PUM1: variants seen among roughly 807,000 people sequenced by gnomAD.
PUM1 encodes the protein pumilio homolog 1.
Under a neutral mutation model 131.8 loss-of-function variants are expected in PUM1, and 13 were observed. The observed-to-expected ratio is 0.10, with a 90% CI of 0.06 to 0.16. The LOEUF is 0.16. Ranked by LOEUF, PUM1 falls within the 10% of genes least tolerant of loss-of-function variation. The pLI is 1.00. For missense variants in PUM1, 961 were observed against 1,512.4 expected, an observed-to-expected ratio of 0.64 and a Z score of 6.05; for synonymous variants, 509 against 556.5, an observed-to-expected ratio of 0.91 and a Z score of 1.20.
chr1:31,030,710 A>G (rs201531359), intron 2 of PUM1, among the ~76,000 whole-genome samples: 33 of 16,688 alleles, frequency 2.0e-3, no homozygotes, highest in East Asian at 0.012. Flanking sequence ...CAGTGTCCGG[A>G]AAAAAAAAAA....
chr1:30,995,523 A>T (rs910316667), intron 5 of PUM1, among the ~76,000 whole-genome samples: 7 of 150,260 alleles, frequency 4.7e-5, no homozygotes, highest in Non-Finnish European at 8.8e-5. Context: ...CTTCCTACCC[A>T]AAGCCCAGCC....
chr1:31,037,416 T>C (rs10914251), intron 2 of PUM1, among the ~76,000 whole-genome samples: 105,043 of 152,054 alleles, frequency 0.69, 37,685 homozygotes, highest in East Asian at 0.87. Context: ...CATGAGAAAG[T>C]TAAAGATCTA....
At chr1:31,045,033 C>A (rs375668967) in intron 2 of PUM1, among the ~76,000 whole-genome samples, 50 of 152,216 alleles carry the variant, frequency 3.3e-4, no homozygotes, top group Middle Eastern at 3.4e-3. Flanking sequence ...CTCCTGACCT[C>A]GTGATCCACC....
At chr1:30,940,108 C>A (rs1005862844) in intron 20 of PUM1, among the ~76,000 whole-genome samples, 1 of 152,182 alleles carries the variant, frequency 6.6e-6, no homozygotes, top group African/African-American at 2.4e-5. Flanking sequence ...GCTATGGAGA[C>A]ACTGGATCTA....
intron 3 of PUM1, among the ~76,000 whole-genome samples, chr1:31,021,738 T>C (rs1282266784): frequency 6.6e-6 from 1 of 152,186 alleles, no homozygotes; most frequent in African/African-American, 2.4e-5. Context: ...TACAAATCAC[T>C]TGCTACTTGA....
At chr1:31,029,607 G>A (rs1020512349) in intron 2 of PUM1, among the ~76,000 whole-genome samples, 6 of 152,158 alleles carry the variant, frequency 3.9e-5, no homozygotes, top group Non-Finnish European at 7.3e-5. Context: ...TAGTTTACTG[G>A]TCTTCTTTGT....
At chr1:31,006,809 ATT>A (rs948921117) in intron 4 of PUM1, among the ~76,000 whole-genome samples, 183 bp downstream of exon 4, 19 of 152,210 alleles carry the variant, frequency 1.2e-4, no homozygotes, top group African/African-American at 4.6e-4. Flanking sequence ...TGAAGATATG[ATT>A]TTGTGTTAAT....
chr1:30,947,303 T>G (rs1639717611), intron 17 of PUM1, among the ~76,000 whole-genome samples: 1 of 152,204 alleles, frequency 6.6e-6, no homozygotes, highest in Non-Finnish European at 1.5e-5. Flanking sequence ...AGTCACATAT[T>G]TCAAACTATG....
Position 30,978,727 on chromosome 1 carries a change from G to A in PUM1, c.1354+1335C>T, listed in dbSNP as rs530807573. 7.2e-5 allele frequency among the ~76,000 whole-genome samples: 11 copies of A among 152,260 alleles called. No individual in the cohort carries two copies. In the South Asian group the frequency reaches 8.3e-4, roughly 11 times the overall value. ...CATCATACATTTATGGTCCCATCAC[G>A]GTGACGGTAACTGTGCAACACACAG... On this transcript the variant is annotated intron_variant, in intron 9 of 21. Coordinates refer to ENST00000426105, the MANE Select transcript of PUM1 (RefSeq NM_001020658.2).
chr1:30,933,440 AC>A (rs2124369561), intron 21 of PUM1, 98 bp from the exon 22 acceptor site: 3 of 102,914 alleles, frequency 2.9e-5, no homozygotes, highest in African/African-American at 2.5e-4. Flanking sequence ...ACACACACAT[AC>A]ACACACACAC....
intron 5 of PUM1, 60 bp downstream of exon 5, chr1:31,005,793 G>A (rs1570254851): frequency 7.4e-4 from 20 of 26,992 alleles, no homozygotes; most frequent in Non-Finnish European, 8.4e-4. Context: ...GGGAAAAAAA[G>A]AGAGAGAGAG....
intron 14 of PUM1, among the ~76,000 whole-genome samples, chr1:30,958,418 C>G (rs1206594606): frequency 2.0e-5 from 3 of 152,292 alleles, no homozygotes; most frequent in Middle Eastern, 3.4e-3. Context: ...CAACACTTTT[C>G]TTCCAGGGCA....
intron 10 of PUM1, among the ~76,000 whole-genome samples, chr1:30,974,035 CTGAG>C (rs1641037683): frequency 6.6e-6 from 1 of 150,862 alleles, no homozygotes; most frequent in African/African-American, 2.4e-5. Flanking sequence ...TTGCAGTGAG[CTGAG>C]ATTGCACCAC....
intron 14 of PUM1, among the ~76,000 whole-genome samples, chr1:30,957,501 T>C (rs1043123534): frequency 6.6e-6 from 1 of 152,222 alleles, no homozygotes; most frequent in Non-Finnish European, 1.5e-5. Flanking sequence ...TTTGCAACTG[T>C]TTTAAAAGAA....
intron 2 of PUM1, among the ~76,000 whole-genome samples, chr1:31,046,296 G>A (rs1341044008): frequency 2.0e-5 from 3 of 151,594 alleles, no homozygotes; most frequent in South Asian, 2.1e-4. Context: ...TAAGGCAGGA[G>A]AATTGCTTGA....
intron 3 of PUM1, among the ~76,000 whole-genome samples, chr1:31,025,529 C>T (rs1643188046): frequency 6.8e-6 from 1 of 146,092 alleles, no homozygotes; most frequent in Non-Finnish European, 1.5e-5. Context: ...TGGGTAAATA[C>T]TGGTTTGTTT....
intron 4 of PUM1, among the ~76,000 whole-genome samples, chr1:31,006,545 C>T (rs1037309470): frequency 1.3e-5 from 2 of 152,176 alleles, no homozygotes; most frequent in East Asian, 3.9e-4. Context: ...CTCCCCATCC[C>T]TCTTCAGGGG....
At chr1:30,956,479 C>T (rs958866671) in intron 14 of PUM1, among the ~76,000 whole-genome samples, 1 of 152,086 alleles carries the variant, frequency 6.6e-6, no homozygotes, top group Non-Finnish European at 1.5e-5. Context: ...GGCCAGACTA[C>T]TCTCAAACTC....
chr1:31,009,960 T>C (rs932007038), intron 3 of PUM1, among the ~76,000 whole-genome samples: 1 of 152,076 alleles, frequency 6.6e-6, no homozygotes, highest in African/African-American at 2.4e-5. Flanking sequence ...CATGATAGTA[T>C]ACCAGGCTGT....
Sources: gnomAD v4.1 joint callset for allele counts (sites outside exome capture counted in the v4.1 genomes callset) on GRCh38, gnomAD v4.1.1 for gene constraint, MANE v1.5 for transcripts, NCBI Gene and HGNC (gene_info 2026-07-23, HGNC 2026-07-21) for gene names.